The following SYTL5 variants were observed in gnomAD, a reference collection of about 807,000 sequenced individuals.
SYTL5 encodes synaptotagmin like 5, also known as synaptotagmin-like protein 5.
In SYTL5, 34 loss-of-function variants were observed where a neutral mutation model predicts 55.9. That is an observed-to-expected ratio of 0.61 (90% CI 0.46 to 0.81). The LOEUF (loss-of-function observed/expected upper bound fraction) is 0.81. Among genes scored for constraint, SYTL5 ranks in the 30% least tolerant of loss-of-function variants. SYTL5 has a pLI of 0.00. For synonymous variants in SYTL5, 221 were observed against 188.7 expected (o/e 1.17, Z -1.40); for missense variants, 637 against 546.7 (o/e 1.17, Z -1.65).
intron 1 of SYTL5, among the ~76,000 whole-genome samples, chrX:38,009,766 G>A (rs1309429563): frequency 6.3e-5 from 7 of 111,373 alleles, no homozygotes; most frequent in Non-Finnish European, 1.1e-4. Context: ...AAAGAACATA[G>A]CCAAAGAGCC....
At chrX:38,031,689 A>G (rs1934956721) in intron 1 of SYTL5, among the ~76,000 whole-genome samples, 1 of 112,191 alleles carries the variant, frequency 8.9e-6, no homozygotes, top group Non-Finnish European at 1.9e-5. Context: ...CCATTTCATC[A>G]CAATACCAGA....
At chrX:38,120,515 G>A (rs757929749) in intron 14 of SYTL5, 49 bp downstream of exon 14, 22 of 943,611 alleles carry the variant, frequency 2.3e-5, no homozygotes, top group African/African-American at 1.4e-4. Context: ...GTTTCTAGAA[G>A]TGTGGTAGTG....
the SYTL5 span, among the ~76,000 whole-genome samples, chrX:37,998,080 T>G: frequency 8.9e-6 from 1 of 111,877 alleles, no homozygotes; most frequent in Non-Finnish European, 1.9e-5. Context: ...TGAACACTCA[T>G]CAGGACACCC....
At chrX:37,923,609 G>T in the SYTL5 span, among the ~76,000 whole-genome samples, 12 of 109,487 alleles carry the variant, frequency 1.1e-4, no homozygotes, top group African/African-American at 4.0e-4. Flanking sequence ...TTCTCAAAAG[G>T]TTTAACTCCA....
chrX:38,002,049 T>A (rs1602290656), upstream of SYTL5, among the ~76,000 whole-genome samples: 1 of 108,074 alleles, frequency 9.3e-6, no homozygotes, highest in African/African-American at 3.4e-5. Flanking sequence ...CAGAGTGTGA[T>A]GTTCCCCTTC....
At chrX:37,941,907 A>G in the SYTL5 span, among the ~76,000 whole-genome samples, 1 of 9,860 alleles carries the variant, frequency 1.0e-4, no homozygotes, top group Non-Finnish European at 1.7e-3. Flanking sequence ...CTTGTAGGGA[A>G]AAAAAAACTT....
chrX:38,054,874 C>T (rs752574291), intron 3 of SYTL5, among the ~76,000 whole-genome samples: 2 of 110,511 alleles, frequency 1.8e-5, no homozygotes, highest in Non-Finnish European at 3.8e-5. Flanking sequence ...AGACTACAGG[C>T]ATGCACCACT....
At chrX:37,990,867 T>C in the SYTL5 span, 3 of 1,207,342 alleles carry the variant, frequency 2.5e-6, no homozygotes, top group South Asian at 3.6e-5. Context: ...CTGTAAGAAC[T>C]CGTCTACAAA....
chrX:38,022,258 G>A (rs1934578287), intron 1 of SYTL5, among the ~76,000 whole-genome samples: 2 of 112,337 alleles, frequency 1.8e-5, no homozygotes, highest in Non-Finnish European at 3.8e-5. Flanking sequence ...CTGATACAGT[G>A]TTACTGTAAG....
intron 1 of SYTL5, among the ~76,000 whole-genome samples, chrX:38,026,219 C>T (rs1037018427): frequency 2.7e-5 from 3 of 112,468 alleles, no homozygotes; most frequent in Non-Finnish European, 5.6e-5. Context: ...CTCCTTAGAT[C>T]TTCCTTGTCT....
Position 38,106,608 on chromosome X carries a change from A to T in SYTL5, c.1171A>T (p.Met391Leu). 1 of 1,202,513 alleles carries T rather than the reference A, an allele frequency of 8.3e-7. No individual in the cohort carries two copies. Among genetic ancestry groups the T allele is most frequent in the Non-Finnish European group, 1.1e-6 (1 of 891,855 alleles). The change falls in exon 11 of 17, where the codon ATG (methionine) becomes TTG (leucine). Residue 391 changes from methionine to leucine, a missense_variant. By Grantham distance (15) the Met-to-Leu change is conservative. Coordinates refer to ENST00000297875, the MANE Select transcript of SYTL5 (RefSeq NM_138780.3). ...TTTATTCCAGACCAGCCTTAACAGC[A>T]TGATGAGCGTTTACAGTGAAACGGG... ...SGLSTTSLNS[M>L]MSVYSETGDY...
At chrX:38,113,275 G>C (rs752176235) in intron 13 of SYTL5, among the ~76,000 whole-genome samples, 23 of 112,426 alleles carry the variant, frequency 2.0e-4, no homozygotes, top group Non-Finnish European at 3.0e-4. Context: ...CCTTCCCAGA[G>C]TGTACTATTA....
At chrX:37,973,669 A>C in the SYTL5 span, among the ~76,000 whole-genome samples, 20,052 of 108,870 alleles carry the variant, frequency 0.18, 1,778 homozygotes, top group Non-Finnish European at 0.26. Flanking sequence ...AGTCTCCCCC[A>C]GTCGCCCAGG....
upstream of SYTL5, among the ~76,000 whole-genome samples, chrX:38,004,520 A>T (rs1382398473): frequency 8.9e-6 from 1 of 111,787 alleles, no homozygotes; most frequent in African/African-American, 3.3e-5. Context: ...TTTGGAAGCA[A>T]TATAAATGTC....
intron 1 of SYTL5, among the ~76,000 whole-genome samples, chrX:38,014,772 G>A (rs1324191930): frequency 2.7e-5 from 3 of 112,154 alleles, no homozygotes; most frequent in Non-Finnish European, 3.8e-5. Context: ...AGTCACTTAT[G>A]CCTTAGTCTG....
chrX:38,110,617 G>T, intron 13 of SYTL5, 135 bp downstream of exon 13: 1 of 432,709 alleles, frequency 2.3e-6, no homozygotes, highest in Non-Finnish European at 3.6e-6. Flanking sequence ...AGCAAATTTT[G>T]GAATAATATT....
At position 38,125,322 on chromosome X, in the gene SYTL5, A is replaced by T. The variant is rs964643738; in HGVS notation, c.1866A>T (p.Lys622Asn). Reference sequence around the variant, plus strand: ...GCTACCTGCTCCCTGATGATAGCAAAGCCACCAAGCACAAAACTCTGGTAA... The same window carrying T: ...GCTACCTGCTCCCTGATGATAGCAATGCCACCAAGCACAAAACTCTGGTAA... The part of the protein sequence containing the change: ...VKGYLLPDDS[K>N]ATKHKTLVIK... The change falls in exon 16 of 17, where the codon AAA becomes AAT. Residue 622 changes from lysine (K) to asparagine (N), a missense_variant. Coordinates refer to ENST00000297875, the MANE Select transcript of SYTL5 (RefSeq NM_138780.3). 8.3e-6 allele frequency: 10 copies of T among 1,211,539 alleles called. No homozygotes were observed. The South Asian group carries it at 1.4e-4, about 17-fold the overall frequency.
the SYTL5 span, among the ~76,000 whole-genome samples, chrX:37,916,131 C>T: frequency 8.9e-6 from 1 of 111,918 alleles, no homozygotes; most frequent in African/African-American, 3.2e-5. Context: ...CTCAAAGGAT[C>T]TGATCTTGCT....
intron 12 of SYTL5, 121 bp downstream of exon 12, chrX:38,108,820 G>A: frequency 2.2e-6 from 1 of 451,351 alleles, no homozygotes; most frequent in East Asian, 3.9e-5. Flanking sequence ...TAGAAAATTA[G>A]AATTTGAATA....
Sources: allele counts gnomAD v4.1 joint callset (sites outside exome capture counted in the v4.1 genomes callset), GRCh38; gene constraint gnomAD v4.1.1; transcripts MANE v1.5; gene names NCBI Gene and HGNC (gene_info 2026-07-23, HGNC 2026-07-21).